The following RAB11FIP1 variants were observed in gnomAD, a reference collection of about 807,000 sequenced individuals.
The protein encoded by RAB11FIP1 is rab11 family-interacting protein 1.
A neutral mutation model predicts 83.1 loss-of-function variants in RAB11FIP1; 49 were observed. That is an observed-to-expected ratio of 0.59 (90% CI 0.47 to 0.75). The LOEUF (loss-of-function observed/expected upper bound fraction) is 0.75. Ranked by LOEUF, RAB11FIP1 falls within the 30% of genes least tolerant of loss-of-function variation. The probability of loss-of-function intolerance (pLI) is 0.00; values close to 1 mark genes in which losing one functional copy is unlikely to be tolerated. For missense variants in RAB11FIP1, 1,536 were observed against 1,598.7 expected (o/e 0.96, Z 0.67); for synonymous variants, 670 against 656.0 (o/e 1.02, Z -0.33).
intron 5 of RAB11FIP1, among the ~76,000 whole-genome samples, chr8:37,865,386 C>G (rs1806323313): frequency 6.7e-6 from 1 of 149,856 alleles, no homozygotes; most frequent in African/African-American, 2.5e-5. Flanking sequence ...GTGACACGAT[C>G]TCGGCTCACT....
At position 37,874,868 on chromosome 8, in the gene RAB11FIP1, A is replaced by C. The variant is rs147246569; in HGVS notation, c.1269T>G (p.Ala423=). ...TGCTCTCTGGCTTCTTGCTCTCCTT[A>C]GCTTCTTTTGTGGCCTCTGAGTTTG... ...APANSEATKE[A]KESKKPESRR... The change falls in exon 3 of 6, where the codon GCT becomes GCG. Residue 423 remains alanine, a synonymous_variant. Transcript: ENST00000330843. 1 of 1,613,766 alleles carries C rather than the reference A, an allele frequency of 6.2e-7. No individual in the cohort carries two copies. Among genetic ancestry groups the C allele is most frequent in the East Asian group, 2.2e-5 (1 of 44,850 alleles).
chr8:37,878,500 C>T (rs1323850148), intron 1 of RAB11FIP1, among the ~76,000 whole-genome samples: 8 of 140,360 alleles, frequency 5.7e-5, no homozygotes, highest in African/African-American at 1.9e-4. Flanking sequence ...CACCACTGCA[C>T]TCCAGCCTGG....
At position 37,862,966 on chromosome 8, in the gene RAB11FIP1, T is replaced by C; in HGVS notation, c.3781A>G (p.Arg1261Gly). 1 of 1,614,024 alleles carries C rather than the reference T, an allele frequency of 6.2e-7. No individual in the cohort carries two copies. Among genetic ancestry groups the C allele is most frequent in the Non-Finnish European group, 8.5e-7 (1 of 1,180,020 alleles). Residue 1261 changes from arginine to glycine, a missense_variant, in exon 6 of 6, where the codon AGG becomes GGG. By Grantham distance (125) the Arg-to-Gly change is moderately radical (BLOSUM62 -2). Coordinates refer to ENST00000330843, the MANE Select transcript of RAB11FIP1 (RefSeq NM_001002814.3). ...ATATTGGGGGTTTCTTCCATGACCC[T>C]GACAAGCAGGTTGTCAATGTAGTCT... The part of the protein sequence containing the change: ...LEDYIDNLLV[R>G]VMEETPNILR...
In RAB11FIP1 at chr8:37,871,753, C is replaced by T. The variant is rs762764163; in HGVS notation, c.3049G>A (p.Glu1017Lys). 35 of 1,613,656 alleles carry T rather than the reference C, an allele frequency of 2.2e-5. No homozygotes were observed. The highest frequency in any genetic ancestry group is 1.2e-4 in the Admixed American group (7 of 60,000). ...TCCCCCAGTACCAACCTATCTGCCT[C>T]GCCACTGGGCCCCTTTCCCCTCTCA... ...CPERGKGPSG[E>K]ADRLVLGEGL... Residue 1017 changes from glutamate (E) to lysine (K), a missense_variant, in exon 4 of 6, where the codon GAG (glutamate) becomes AAG (lysine). By Grantham distance (56) the Glu-to-Lys change is moderately conservative. Transcript: ENST00000330843.
chr8:37,882,052 G>A (rs1271646547), intron 1 of RAB11FIP1, among the ~76,000 whole-genome samples: 2 of 152,142 alleles, frequency 1.3e-5, no homozygotes, highest in Non-Finnish European at 1.5e-5. Context: ...AGGAGGTTTC[G>A]ATGACCTCAC....
At chr8:37,868,353 T>C (rs898427941) in intron 5 of RAB11FIP1, among the ~76,000 whole-genome samples, 4 of 142,978 alleles carry the variant, frequency 2.8e-5, no homozygotes, top group African/African-American at 5.3e-5. Context: ...ACCCGGGAGG[T>C]GGAGGTTGCG....
chr8:37,870,005 G>A (rs1228670935), intron 5 of RAB11FIP1, among the ~76,000 whole-genome samples: 1 of 152,122 alleles, frequency 6.6e-6, no homozygotes, highest in African/African-American at 2.4e-5. Flanking sequence ...TACCTGACCT[G>A]AATGGGCCAG....
chr8:37,897,817 G>A (rs1362963220), intron 1 of RAB11FIP1, among the ~76,000 whole-genome samples: 1 of 152,134 alleles, frequency 6.6e-6, no homozygotes, highest in Non-Finnish European at 1.5e-5. Flanking sequence ...TCTTTCTGTA[G>A]GGGCAAATTC....
In RAB11FIP1 at chr8:37,872,352, G is replaced by A. The variant is rs147857729; in HGVS notation, c.2450C>T (p.Thr817Met). Residue 817 changes from threonine (T) to methionine (M), a missense_variant, in exon 4 of 6, where the codon ACG becomes ATG. Coordinates refer to ENST00000330843, the MANE Select transcript of RAB11FIP1 (RefSeq NM_001002814.3). ...KRVSFSEQLFTEEAVAGAALL... is the reference protein window; with the variant it reads ...KRVSFSEQLFMEEAVAGAALL... ...GGCAGCCCCCGCCACTGCCTCTTCC[G>A]TGAAGAGCTGCTCAGAAAATGACAC... is the stretch of plus-strand genomic sequence containing the variant. 1.4e-3 allele frequency: 2,285 copies of A among 1,614,178 alleles called. 3 individuals carry two copies. Among genetic ancestry groups the A allele is most frequent in the Non-Finnish European group, 1.7e-3 (2,063 of 1,180,030 alleles).
chr8:37,870,602 G>A lies in RAB11FIP1; in HGVS notation c.3525-74C>T, dbSNP rs546835797. 111 of 758,866 alleles carry A rather than the reference G, an allele frequency of 1.5e-4. No individual in the cohort carries two copies. In the East Asian group the frequency reaches 2.3e-3, roughly 16 times the overall value. The allele number at this position is 758,866 out of a possible 1,614,324, so 47.0% of individuals were successfully genotyped here. A position where few individuals can be genotyped will look rare whatever the true frequency, so the allele number is the denominator to read the frequency against. On this transcript the variant is annotated intron_variant, in intron 4 of 5. Transcript: ENST00000330843. The stretch of plus-strand genomic sequence containing the variant: ...CTGAGCAACTGCCCACTGCAAAGAC[G>A]GCAGCCAGTAAGCCAGACAAGGGGC...
chr8:37,886,257 T>G (rs1011405092), intron 1 of RAB11FIP1, among the ~76,000 whole-genome samples: 6 of 152,214 alleles, frequency 3.9e-5, no homozygotes, highest in African/African-American at 1.4e-4. Context: ...CTTCCAACTT[T>G]CTAACTTTCA....
At chr8:37,865,315 C>CTTT (rs11407439) in intron 5 of RAB11FIP1, among the ~76,000 whole-genome samples, 10 of 142,950 alleles carry the variant, frequency 7.0e-5, no homozygotes, top group Admixed American at 2.1e-4. Flanking sequence ...TCCTGGGATT[C>CTTT]TTTTTTTTTT....
Position 37,872,443 on chromosome 8 carries a change from T to C in RAB11FIP1, c.2359A>G (p.Met787Val), listed in dbSNP as rs1806490934. Residue 787 changes from methionine to valine, a missense_variant, in exon 4 of 6, where the codon ATG becomes GTG. Coordinates refer to ENST00000330843, the MANE Select transcript of RAB11FIP1 (RefSeq NM_001002814.3). ...MGASVPSIDSMMRKLEEMGLN... is the reference protein window; with the variant it reads ...MGASVPSIDSVMRKLEEMGLN... ...CCCATCTCTTCCAGCTTCCGCATCA[T>C]GGAATCAATGGAAGGGACTGATGCT... 6.2e-7 allele frequency: 1 copy of C among 1,614,106 alleles called. No homozygotes were observed. The highest frequency in any genetic ancestry group is 8.5e-7 in the Non-Finnish European group (1 of 1,180,008).
chr8:37,898,313 C>G (rs2130209257), intron 1 of RAB11FIP1, among the ~76,000 whole-genome samples: 1 of 150,846 alleles, frequency 6.6e-6, no homozygotes, highest in Non-Finnish European at 1.5e-5. Flanking sequence ...AAATTCGAGA[C>G]CAGCCTGGCC....
chr8:37,880,831 C>A (rs2130169764), intron 1 of RAB11FIP1, among the ~76,000 whole-genome samples: 2 of 152,172 alleles, frequency 1.3e-5, no homozygotes, highest in Middle Eastern at 3.4e-3. Context: ...ACAAATAACT[C>A]CAAATACCTG....
At chr8:37,884,285 G>T (rs1343456243) in intron 1 of RAB11FIP1, among the ~76,000 whole-genome samples, 1 of 151,938 alleles carries the variant, frequency 6.6e-6, no homozygotes, top group Admixed American at 6.6e-5. Context: ...GGCTGGTATC[G>T]AACTCCTGAC....
In RAB11FIP1 at chr8:37,874,991, G is replaced by C. The variant is rs369997427; in HGVS notation, c.1146C>G (p.Ser382=). The C allele has an allele frequency of 1.9e-6, 3 of 1,613,966 alleles. No individual in the cohort carries two copies. The highest frequency in any genetic ancestry group is 1.7e-6 in the Non-Finnish European group (2 of 1,180,018). The change falls in exon 3 of 6, where the codon TCC becomes TCG. Residue 382 remains serine, a synonymous_variant. Coordinates refer to ENST00000330843, the MANE Select transcript of RAB11FIP1 (RefSeq NM_001002814.3). ...TCAAGGAGTCCTTGGTGGAAGATTC[G>C]GAGAGCTGCCTGTCAGAAGACAGCC... ...GGGLSSDRQL[S]ESSTKDSLKS... is the part of the protein sequence containing the mutation.
chr8:37,869,156 A>T (rs949045894), intron 5 of RAB11FIP1, among the ~76,000 whole-genome samples: 1 of 148,510 alleles, frequency 6.7e-6, no homozygotes, highest in African/African-American at 2.5e-5. Context: ...TGGGCCCAGG[A>T]GGTCGAGGCT....
At chr8:37,898,815 C>T (rs1807147251) in intron 1 of RAB11FIP1, among the ~76,000 whole-genome samples, 1 of 143,416 alleles carries the variant, frequency 7.0e-6, no homozygotes, top group Non-Finnish European at 1.5e-5. Flanking sequence ...GACAGAGACT[C>T]TGTCTAAAAA....
Sources: allele counts gnomAD v4.1 joint callset (sites outside exome capture counted in the v4.1 genomes callset), GRCh38; gene constraint gnomAD v4.1.1; transcripts MANE v1.5; gene names NCBI Gene and HGNC (gene_info 2026-07-23, HGNC 2026-07-21).